The following DENND1A variants were observed in gnomAD, a reference collection of about 807,000 sequenced individuals.
DENND1A encodes DENN domain-containing protein 1A.
In DENND1A, 51 loss-of-function variants were observed where a neutral mutation model predicts 113.7. The ratio of observed to expected loss-of-function variants is 0.45; its 90% CI spans 0.36 to 0.57. DENND1A has a LOEUF of 0.57. Among genes scored for constraint, DENND1A ranks in the 20% least tolerant of loss-of-function variants. DENND1A has a pLI of 0.00. For synonymous variants in DENND1A, 565 were observed against 570.8 expected, an observed-to-expected ratio of 0.99 and a Z score of 0.14; for missense variants, 1,258 against 1,395.9, an observed-to-expected ratio of 0.90 and a Z score of 1.57.
At chr9:123,863,704 C>T (rs1158043854) in intron 2 of DENND1A, among the ~76,000 whole-genome samples, 4 of 152,076 alleles carry the variant, frequency 2.6e-5, no homozygotes, top group Non-Finnish European at 5.9e-5. Context: ...GAGGCACTCC[C>T]TAGGGAGAAA....
intron 8 of DENND1A, among the ~76,000 whole-genome samples, chr9:123,654,989 C>T (rs2062857105): frequency 1.3e-5 from 2 of 152,184 alleles, no homozygotes; most frequent in South Asian, 2.1e-4. Context: ...CCAGCCACAC[C>T]AATCCTTACT....
At chr9:123,443,679 G>A (rs961427613) in intron 18 of DENND1A, among the ~76,000 whole-genome samples, 3 of 152,270 alleles carry the variant, frequency 2.0e-5, no homozygotes, top group African/African-American at 7.2e-5. Flanking sequence ...AAGAGGCTGG[G>A]TGTGGAGGCT....
intron 10 of DENND1A, among the ~76,000 whole-genome samples, chr9:123,611,419 A>T (rs1275888514): frequency 5.9e-5 from 9 of 152,222 alleles, no homozygotes; most frequent in Admixed American, 5.9e-4. Context: ...GACAGCTTCA[A>T]TGTCAAAAAT....
intron 1 of DENND1A, among the ~76,000 whole-genome samples, chr9:123,890,298 CA>C: frequency 6.6e-6 from 1 of 152,278 alleles, no homozygotes; most frequent in Admixed American, 6.5e-5. Flanking sequence ...TGGTGGGCCA[CA>C]GACTTCTCTG....
intron 8 of DENND1A, among the ~76,000 whole-genome samples, chr9:123,663,040 CT>C (rs1432933194): frequency 1.3e-5 from 2 of 152,108 alleles, no homozygotes; most frequent in Non-Finnish European, 2.9e-5. Flanking sequence ...TTGAAAGTAG[CT>C]GGGCAACTTG....
chr9:123,401,757 C>A, intron 21 of DENND1A: 1 of 1,611,990 alleles, frequency 6.2e-7, no homozygotes. Flanking sequence ...GGCTCTTTGG[C>A]ACACACTGCG....
At chr9:123,628,183 G>A (rs1356014087) in intron 10 of DENND1A, among the ~76,000 whole-genome samples, 1 of 151,932 alleles carries the variant, frequency 6.6e-6, no homozygotes, top group African/African-American at 2.4e-5. Flanking sequence ...GCAAATGTGA[G>A]CTCAGTGGGA....
intron 2 of DENND1A, among the ~76,000 whole-genome samples, chr9:123,839,018 C>T (rs1026183851): frequency 3.9e-5 from 6 of 152,214 alleles, no homozygotes; most frequent in African/African-American, 7.2e-5. Flanking sequence ...TCTGCTCACG[C>T]GGAAGGGGCA....
chr9:123,639,039 T>TAAAAAAAAAAAAAAAAAAAAAAA (rs750972974), intron 9 of DENND1A, among the ~76,000 whole-genome samples: 29 of 32,096 alleles, frequency 9.0e-4, no homozygotes, highest in Non-Finnish European at 1.2e-3. Context: ...GCATGAGTAG[T>TAAAAAAAAAAAAAAAAAAAAAAA]AAAAAAAAAA....
At chr9:123,876,452 C>T (rs992893781) in intron 2 of DENND1A, among the ~76,000 whole-genome samples, 1 of 152,070 alleles carries the variant, frequency 6.6e-6, no homozygotes, top group African/African-American at 2.4e-5. Context: ...TGTCTTTATT[C>T]TTAGGAGATA....
chr9:123,497,646 ACTG>A (rs1419076072), intron 13 of DENND1A, among the ~76,000 whole-genome samples: 1 of 152,066 alleles, frequency 6.6e-6, no homozygotes, highest in Non-Finnish European at 1.5e-5. Flanking sequence ...GTTGATATAA[ACTG>A]CTAAGTGACT....
intron 2 of DENND1A, among the ~76,000 whole-genome samples, chr9:123,838,169 G>A (rs1429462292): frequency 6.6e-6 from 1 of 152,056 alleles, no homozygotes; most frequent in Non-Finnish European, 1.5e-5. Flanking sequence ...ACCTAGAATC[G>A]AATCAACAAT....
intron 13 of DENND1A, among the ~76,000 whole-genome samples, chr9:123,485,271 C>A (rs1402543388): frequency 6.6e-6 from 1 of 152,222 alleles, no homozygotes; most frequent in Non-Finnish European, 1.5e-5. Context: ...CAGCTCCGCA[C>A]TATCACTAGG....
intron 8 of DENND1A, among the ~76,000 whole-genome samples, chr9:123,655,270 T>C (rs1193409138): frequency 2.0e-5 from 3 of 152,190 alleles, no homozygotes; most frequent in Non-Finnish European, 4.4e-5. Context: ...GTGAAGCTGC[T>C]TCTCCCATCA....
chr9:123,630,359 A>G lies in DENND1A; in HGVS notation c.719+17T>C, dbSNP rs949543348. On this transcript the variant is annotated intron_variant, in intron 10 of 23. Transcript: ENST00000394215. ...TCAGGGCAAAGGAGAAGCAGAGGACAGGGCCAGCCACCTTACCAGCAGTAG... is the reference window on the plus strand; with the variant it reads ...TCAGGGCAAAGGAGAAGCAGAGGACGGGGCCAGCCACCTTACCAGCAGTAG... The G allele has an allele frequency of 3.2e-6, 5 of 1,570,954 alleles. No individual in the cohort carries two copies. Among genetic ancestry groups the G allele is most frequent in the African/African-American group, 2.7e-5 (2 of 73,996 alleles).
intron 2 of DENND1A, among the ~76,000 whole-genome samples, chr9:123,827,847 T>A (rs1839597745): frequency 6.6e-6 from 1 of 152,142 alleles, no homozygotes; most frequent in Admixed American, 6.5e-5. Flanking sequence ...GAAGGAAGGA[T>A]GGAGCAAGGG....
At chr9:123,861,096 G>C (rs16926920) in intron 2 of DENND1A, among the ~76,000 whole-genome samples, 10,114 of 152,078 alleles carry the variant, frequency 0.067, 460 homozygotes, top group African/African-American at 0.13. Context: ...TATCAAACTT[G>C]GAAGGGATCT....
chr9:123,726,056 T>C (rs778152213), intron 5 of DENND1A, among the ~76,000 whole-genome samples: 3 of 152,226 alleles, frequency 2.0e-5, no homozygotes, highest in Non-Finnish European at 2.9e-5. Context: ...TCAAAGTTTG[T>C]GTTGCACTAT....
chr9:123,583,184 G>T lies in DENND1A; in HGVS notation c.852C>A (p.Ser284Arg). Residue 284 changes from serine (S) to arginine (R), a missense_variant, in exon 12 of 24, where the codon AGC becomes AGA. Ser to Arg is a moderately radical substitution (Grantham distance 110). Transcript: ENST00000394215. ...CATTACCTACCACGTCGTTTGGGAG[G>T]CTCTGGAGGTCATCGAAGGGGGTTT... ...TLETPFDDLQ[S>R]LPNDVISSLK... is the part of the protein sequence containing the mutation. The T allele has an allele frequency of 6.2e-7, 1 of 1,611,780 alleles. No individual in the cohort carries two copies. Among genetic ancestry groups the T allele is most frequent in the Non-Finnish European group, 8.5e-7 (1 of 1,178,640 alleles).
Sources: allele counts gnomAD v4.1 joint callset (sites outside exome capture counted in the v4.1 genomes callset), GRCh38; gene constraint gnomAD v4.1.1; transcripts MANE v1.5; gene names NCBI Gene and HGNC (gene_info 2026-07-23, HGNC 2026-07-21).